Variants in HNMT observed in about 807,000 individuals in gnomAD.
HNMT encodes histamine N-methyltransferase.
A neutral mutation model predicts 32.1 loss-of-function variants in HNMT; 30 were observed. That is an observed-to-expected ratio of 0.93 (90% CI 0.70 to 1.27). The LOEUF (loss-of-function observed/expected upper bound fraction) is 1.27. HNMT is among the 50% of genes most tolerant of loss of function. HNMT has a pLI of 0.00. For synonymous variants in HNMT, 125 were observed against 119.0 expected (o/e 1.05, Z -0.33); for missense variants, 327 against 346.0 (o/e 0.95, Z 0.43).
chr2:137,965,052 G>A (rs1452020998), intron 1 of HNMT, among the ~76,000 whole-genome samples: 1 of 152,142 alleles, frequency 6.6e-6, no homozygotes, highest in African/African-American at 2.4e-5. Flanking sequence ...GATTTGCCCT[G>A]AGGATTGAGT....
At chr2:137,995,095 C>T (rs1221157388) in intron 2 of HNMT, among the ~76,000 whole-genome samples, 1 of 151,782 alleles carries the variant, frequency 6.6e-6, no homozygotes, top group Admixed American at 6.6e-5. Flanking sequence ...CCTAACATCA[C>T]AATTAAAAGA....
chr2:137,972,190 T>C (rs1680157667), intron 2 of HNMT, among the ~76,000 whole-genome samples: 1 of 152,116 alleles, frequency 6.6e-6, no homozygotes, highest in South Asian at 2.1e-4. Flanking sequence ...CTGCAACCTC[T>C]GCCTCCTGGG....
At chr2:137,993,172 G>A (rs558082899) in intron 2 of HNMT, among the ~76,000 whole-genome samples, 21 of 152,198 alleles carry the variant, frequency 1.4e-4, no homozygotes, top group African/African-American at 3.1e-4. Flanking sequence ...ACCTTTCTCC[G>A]TCGGGGTAAC....
Position 137,979,363 on chromosome 2 carries a change from C to T in HNMT, c.190+9146C>T, listed in dbSNP as rs541235148. On this transcript the variant is annotated intron_variant, in intron 2 of 5. Transcript: ENST00000280097. ...TCGGCTCACTGCAAGCTCCGCCTCCCGGGTTCACGCCATTCTCCTGCCTCA... is the reference window on the plus strand; with the variant it reads ...TCGGCTCACTGCAAGCTCCGCCTCCTGGGTTCACGCCATTCTCCTGCCTCA... 3.7e-4 allele frequency among the ~76,000 whole-genome samples: 56 copies of T among 151,336 alleles called. 1 individual carries two copies. The highest frequency in any genetic ancestry group is 7.2e-4 in the Admixed American group (11 of 15,202).
Position 137,984,870 on chromosome 2 carries a change from CA to C in HNMT, c.190+14654del, listed in dbSNP as rs4646323. Reference sequence around the variant, plus strand: ...CATTTTGTAGATGAGCAAATGAGTTCAGGAGAGATTTAAATACCCTATGAAA... The same window carrying C: ...CATTTTGTAGATGAGCAAATGAGTTCGGAGAGATTTAAATACCCTATGAAA... On this transcript the variant is annotated intron_variant, in intron 2 of 5. Transcript: ENST00000280097. Among the ~76,000 whole-genome samples the C allele has an allele frequency of 1.7e-4, 26 of 152,122 alleles. 2 individuals carry two copies. In the East Asian group the frequency reaches 5.0e-3, roughly 29 times the overall value.
At chr2:137,978,243 T>G (rs1573648294) in intron 2 of HNMT, among the ~76,000 whole-genome samples, 1 of 150,550 alleles carries the variant, frequency 6.6e-6, no homozygotes, top group East Asian at 1.9e-4. Flanking sequence ...AGACCAACGA[T>G]AGTGAATTTT....
At chr2:138,012,110 A>G (rs1681523957) in intron 5 of HNMT, among the ~76,000 whole-genome samples, 1 of 152,158 alleles carries the variant, frequency 6.6e-6, no homozygotes, top group South Asian at 2.1e-4. Context: ...AATCAGTGGA[A>G]ATACACTAGC....
chr2:138,012,380 G>T (rs1020132827), intron 5 of HNMT, among the ~76,000 whole-genome samples: 1 of 152,164 alleles, frequency 6.6e-6, no homozygotes. Flanking sequence ...TCTCTGCAGG[G>T]TTAGAATTTC....
chr2:138,002,461 TTTTGA>T, intron 4 of HNMT: 1 of 676,840 alleles, frequency 1.5e-6, no homozygotes, highest in Non-Finnish European at 1.8e-6. Context: ...CTTATTTCTT[TTTTGA>T]GATGGGAGTC....
intron 2 of HNMT, among the ~76,000 whole-genome samples, chr2:137,986,892 G>A (rs894942506): frequency 6.6e-6 from 1 of 152,062 alleles, no homozygotes; most frequent in Admixed American, 6.6e-5. Context: ...ACTTGGATTT[G>A]CCCAGCTTTG....
intron 1 of HNMT, among the ~76,000 whole-genome samples, chr2:137,965,804 T>C (rs1338638202): frequency 6.6e-6 from 1 of 152,210 alleles, no homozygotes; most frequent in Non-Finnish European, 1.5e-5. Context: ...TGTCTGTAGC[T>C]TACCAGATCC....
chr2:137,993,529 A>T (rs1680890449), intron 2 of HNMT, among the ~76,000 whole-genome samples: 1 of 152,168 alleles, frequency 6.6e-6, no homozygotes, highest in Non-Finnish European at 1.5e-5. Context: ...GAGACTTCAT[A>T]AGAAGACCAA....
intron 5 of HNMT, among the ~76,000 whole-genome samples, chr2:138,012,205 T>A (rs1451662608): frequency 1.3e-5 from 2 of 152,308 alleles, no homozygotes; most frequent in East Asian, 1.9e-4. Flanking sequence ...AATTATCTCA[T>A]GTAATGCTTG....
intron 1 of HNMT, among the ~76,000 whole-genome samples, chr2:137,965,213 T>G (rs1679919140): frequency 6.6e-6 from 1 of 152,192 alleles, no homozygotes; most frequent in Non-Finnish European, 1.5e-5. Context: ...TCAGTGAAAC[T>G]CACTGGTTCC....
chr2:137,989,324 CAG>C (rs1680746392), intron 2 of HNMT, among the ~76,000 whole-genome samples: 1 of 152,172 alleles, frequency 6.6e-6, no homozygotes, highest in East Asian at 1.9e-4. Flanking sequence ...TGAAATCACA[CAG>C]CATGTAACCT....
At chr2:137,991,228 C>T (rs992643666) in intron 2 of HNMT, among the ~76,000 whole-genome samples, 2 of 152,220 alleles carry the variant, frequency 1.3e-5, no homozygotes, top group African/African-American at 4.8e-5. Flanking sequence ...TATCTGGAAG[C>T]TCTTCAAATC....
In HNMT at chr2:138,005,171, T is replaced by C; in HGVS notation, c.469T>C (p.Phe157Leu). 1 of 1,604,760 alleles carries C rather than the reference T, an allele frequency of 6.2e-7. No individual in the cohort carries two copies. Among genetic ancestry groups the C allele is most frequent in the African/African-American group, 1.3e-5 (1 of 74,786 alleles). The stretch of plus-strand genomic sequence containing the variant: ...AAAAGACATCCCAGCTACCCTGAAA[T>C]TCTTCCATAGTCTCTTAGGTACCAA... ...YVKDIPATLKFFHSLLGTNAK... is the reference protein window; with the variant it reads ...YVKDIPATLKLFHSLLGTNAK... Residue 157 changes from phenylalanine to leucine, a missense_variant, in exon 5 of 6, where the codon TTC becomes CTC. Physicochemically the swap from Phe to Leu is conservative, Grantham distance 22. Transcript: ENST00000280097.
At chr2:138,004,631 A>G (rs1199602398) in intron 4 of HNMT, among the ~76,000 whole-genome samples, 2 of 152,052 alleles carry the variant, frequency 1.3e-5, no homozygotes, top group African/African-American at 4.8e-5. Context: ...TTCCTACAGA[A>G]TCTGTCATCA....
chr2:137,988,104 C>T (rs1273890073), intron 2 of HNMT, among the ~76,000 whole-genome samples: 1 of 152,112 alleles, frequency 6.6e-6, no homozygotes, highest in Non-Finnish European at 1.5e-5. Flanking sequence ...CCGCAAAATT[C>T]AGAATATAAA....
Sources: gnomAD v4.1 joint callset for allele counts (sites outside exome capture counted in the v4.1 genomes callset) on GRCh38, gnomAD v4.1.1 for gene constraint, MANE v1.5 for transcripts, NCBI Gene and HGNC (gene_info 2026-07-23, HGNC 2026-07-21) for gene names.